The following IRX2 variants were observed in gnomAD, a reference collection of about 807,000 sequenced individuals.
The protein encoded by IRX2 is iroquois homeobox 2.
A neutral mutation model predicts 42.9 loss-of-function variants in IRX2; 26 were observed. That is an observed-to-expected ratio of 0.61 (90% confidence interval 0.44 to 0.84). IRX2 has a LOEUF of 0.84. IRX2 is among the 40% of genes least tolerant of loss of function. The probability of loss-of-function intolerance (pLI) is 0.00; values close to 1 mark genes in which losing one functional copy is unlikely to be tolerated. For missense variants in IRX2, 782 were observed against 713.9 expected, an observed-to-expected ratio of 1.10 and a Z score of -1.09; for synonymous variants, 424 against 353.9, an observed-to-expected ratio of 1.20 and a Z score of -2.22.
Position 2,747,610 on chromosome 5 carries a change from C to A in IRX2, c.1370G>T (p.Ser457Ile), listed in dbSNP as rs776676760. 1.9e-6 allele frequency: 3 copies of A among 1,614,012 alleles called. No individual in the cohort carries two copies. Among genetic ancestry groups the A allele is most frequent in the East Asian group, 2.2e-5 (1 of 44,884 alleles). The part of the protein sequence containing the change: ...GGGYEPKKDA[S>I]EGCTVVGGGV... ...CCCGCCAACCACGGTGCAGCCCTCG[C>A]TGGCATCTGTCAGGGGAGTGGGCAG... Residue 457 changes from serine (S) to isoleucine (I), a missense_variant, in exon 4 of 4, where the codon AGC becomes ATC. Ser to Ile is a moderately radical substitution (Grantham distance 142, BLOSUM62 -2). Around this residue, in one of 3 missense-constraint regions of IRX2, gnomAD observed 520 missense variants for 437.8 expected, o/e 1.19. Coordinates refer to ENST00000302057, the MANE Select transcript of IRX2 (RefSeq NM_033267.5).
chr5:2,749,121 C>A, intron 2 of IRX2, 69 bp from the exon 3 acceptor site: 5 of 1,549,660 alleles, frequency 3.2e-6, no homozygotes, highest in Non-Finnish European at 4.3e-6. Flanking sequence ...CCTCCGCCCC[C>A]TGTCCTGCGG....
chr5:2,751,226 C>T lies in IRX2; in HGVS notation c.188G>A (p.Gly63Glu). Residue 63 changes from glycine to glutamate, a missense_variant, in exon 1 of 4, where the codon GGG (glycine) becomes GAG (glutamate). Physicochemically the swap from Gly to Glu is moderately conservative, Grantham distance 98 (BLOSUM62 -2). Coordinates refer to ENST00000302057, the MANE Select transcript of IRX2 (RefSeq NM_033267.5). The surrounding 1 kb of genome is among the most constrained non-coding windows in gnomAD (Gnocchi z 4.0). ...AFTAQAATGFGSPLQYSADAA... is the reference protein window; with the variant it reads ...AFTAQAATGFESPLQYSADAA... ...GTCGGCCGAGTACTGCAGCGGGCTC[C>T]CGAAGCCGGTGGCCGCCTGCGCCGT... 7.3e-7 allele frequency: 1 copy of T among 1,367,900 alleles called. No individual in the cohort carries two copies. Among genetic ancestry groups the T allele is most frequent in the Non-Finnish European group, 9.4e-7 (1 of 1,060,758 alleles). 84.7% of individuals were successfully genotyped at this position (1,367,900 alleles called of 1,614,324 possible).
the IRX2 span, among the ~76,000 whole-genome samples, chr5:2,740,338 C>G: frequency 6.6e-6 from 1 of 151,964 alleles, no homozygotes. Context: ...GGGCTGAGGT[C>G]AGGAGCCGGC....
rs371061264 is a variant in IRX2, at chr5:2,749,070, C to G, written c.656-18G>C. 1 of 1,592,944 alleles carries G rather than the reference C, an allele frequency of 6.3e-7. No homozygotes were observed. The highest frequency in any genetic ancestry group is 8.5e-7 in the Non-Finnish European group (1 of 1,177,666). On this transcript the variant is annotated intron_variant, in intron 2 of 3. Coordinates refer to ENST00000302057, the MANE Select transcript of IRX2 (RefSeq NM_033267.5). ...GCTGATCCCTGTGGGGGCGCGGGCA[C>G]GGTGGGTGGCACGAGGGGACAGCGC...
At position 2,751,250 on chromosome 5, in the gene IRX2, G is replaced by A. The variant is rs2111454893; in HGVS notation, c.164C>T (p.Thr55Met). 3.6e-6 allele frequency: 5 copies of A among 1,400,762 alleles called. No individual in the cohort carries two copies. Among genetic ancestry groups the A allele is most frequent in the Non-Finnish European group, 4.6e-6 (5 of 1,076,642 alleles). The allele number at this position is 1,400,762 out of a possible 1,614,324, so 86.8% of individuals were successfully genotyped here. A position where few individuals can be genotyped will look rare whatever the true frequency, so the allele number is the denominator to read the frequency against. Residue 55 changes from threonine to methionine, a missense_variant, in exon 1 of 4, where the codon ACG becomes ATG. This residue lies in a region of IRX2 where 256 missense variants were observed against 250.0 expected (regional missense o/e 1.02). Transcript: ENST00000302057. This position sits in a 1 kb window ranked among gnomAD's most constrained non-coding sequence, Gnocchi z 4.0. ...CCCGAAGCCGGTGGCCGCCTGCGCC[G>A]TGAAGGCCGCCGAGCCCGGGTAGGG... Reference protein sequence around the residue: ...FSPYPGSAAFTAQAATGFGSP... With the variant: ...FSPYPGSAAFMAQAATGFGSP...
At chr5:2,740,653 T>A in the IRX2 span, among the ~76,000 whole-genome samples, 1 of 152,086 alleles carries the variant, frequency 6.6e-6, no homozygotes, top group Non-Finnish European at 1.5e-5. Context: ...TTGAGCCAGC[T>A]TCTGCCCCTC....
chr5:2,748,197 C>T (rs910273963), intron 3 of IRX2, 148 bp downstream of exon 3: 1 of 632,524 alleles, frequency 1.6e-6, no homozygotes, highest in Non-Finnish European at 2.4e-6. Context: ...TCCATCTCGC[C>T]CTCCGCCCTC....
chr5:2,747,553 G>T lies in IRX2; in HGVS notation c.*11C>A, dbSNP rs774606659. On this transcript the variant is annotated 3_prime_UTR_variant, in exon 4 of 4. Transcript: ENST00000302057. ...GGTGCCCACTTACTTGCATTGCTGT[G>T]CTCGGCCCTTCTATAGGTAGGGCTG... The T allele has an allele frequency of 3.1e-6, 5 of 1,613,466 alleles. No individual in the cohort carries two copies. The South Asian group carries it at 5.5e-5, about 18-fold the overall frequency.
At chr5:2,745,753 G>A (rs186930667), downstream of IRX2, 24 of 152,210 alleles carry the variant, frequency 1.6e-4, no homozygotes, top group African/African-American at 5.8e-4. Context: ...TTATTGGTGG[G>A]GGGGTGTGGC....
the IRX2 span, among the ~76,000 whole-genome samples, chr5:2,736,336 C>G: frequency 1.3e-5 from 2 of 152,150 alleles, no homozygotes; most frequent in Admixed American, 1.3e-4. Context: ...CCTTCTGATG[C>G]GATTTCTGAG....
chr5:2,744,720 G>C (rs1737619459), downstream of IRX2, among the ~76,000 whole-genome samples: 1 of 152,332 alleles, frequency 6.6e-6, no homozygotes, highest in African/African-American at 2.4e-5. Context: ...TACTAGGAGA[G>C]GCAGAGAAGA....
rs1454440711 is a variant in IRX2 at position 2,747,173 on chromosome 5, A to G, written c.*391T>C. 1.3e-5 allele frequency: 2 copies of G among 152,942 alleles called. No homozygotes were observed. Among genetic ancestry groups the G allele is most frequent in the East Asian group, 3.8e-4 (2 of 5,218 alleles). 9.5% of individuals were successfully genotyped at this position (152,942 alleles called of 1,614,324 possible). On this transcript the variant is annotated 3_prime_UTR_variant, in exon 4 of 4. Transcript: ENST00000302057. ...TAGTAAAAATGGCTCTAAATTGCATATAAATGCCCAGATTTTAATAATCTA... is the reference window on the plus strand; with the variant it reads ...TAGTAAAAATGGCTCTAAATTGCATGTAAATGCCCAGATTTTAATAATCTA...
the IRX2 span, among the ~76,000 whole-genome samples, chr5:2,739,567 G>A: frequency 2.6e-5 from 4 of 152,216 alleles, no homozygotes; most frequent in African/African-American, 4.8e-5. Context: ...AGGAAGGCTG[G>A]CTGTGGCAGG....
intron 3 of IRX2, 69 bp downstream of exon 3, chr5:2,748,276 C>T: frequency 1.5e-6 from 2 of 1,323,854 alleles, no homozygotes; most frequent in Non-Finnish European, 1.9e-6. Context: ...TCGGGTCTCC[C>T]GGGCGCTCCG....
At chr5:2,745,180 C>G (rs930980262), downstream of IRX2, among the ~76,000 whole-genome samples, 3 of 152,126 alleles carry the variant, frequency 2.0e-5, no homozygotes, top group Admixed American at 6.5e-5. Context: ...GCATCCCAGA[C>G]CTCCCCCGCT....
downstream of IRX2, among the ~76,000 whole-genome samples, chr5:2,744,384 C>G (rs1343349577): frequency 6.6e-6 from 1 of 152,128 alleles, no homozygotes; most frequent in Non-Finnish European, 1.5e-5. Context: ...TATAACATTA[C>G]ACATAGCAGA....
chr5:2,748,571 G>T lies in IRX2; in HGVS notation c.1137C>A (p.Gly379=), dbSNP rs139322683. The T allele has an allele frequency of 5.1e-5, 80 of 1,563,028 alleles. No homozygotes were observed. The highest frequency in any genetic ancestry group is 6.8e-5 in the Non-Finnish European group (79 of 1,157,328). The change falls in exon 3 of 4, where the codon GGC becomes GGA. Residue 379 remains glycine, a synonymous_variant. Transcript: ENST00000302057. ...AGGGCGACGTGTAGTAGAGGGGGCG[G>T]CCCAGCAGCGGCGAGGCAGGGTAGG... ...GSPYPASPLL[G]RPLYYTSPFY...
chr5:2,751,519 A>C lies in IRX2; in HGVS notation c.-106T>G, dbSNP rs1165110582. On this transcript the variant is annotated 5_prime_UTR_variant, in exon 1 of 4. Coordinates refer to ENST00000302057, the MANE Select transcript of IRX2 (RefSeq NM_033267.5). This position sits in a 1 kb window ranked among gnomAD's most constrained non-coding sequence, Gnocchi z 4.0. ...GCGCGGCGCGGCGGCGGGCACCCGGACGGCCGGCGGAGGCAGGCCGGCCCG... is the reference window on the plus strand; with the variant it reads ...GCGCGGCGCGGCGGCGGGCACCCGGCCGGCCGGCGGAGGCAGGCCGGCCCG... The C allele has an allele frequency of 3.3e-5, 27 of 809,382 alleles. No individual in the cohort carries two copies. Among genetic ancestry groups the C allele is most frequent in the Non-Finnish European group, 3.7e-5 (25 of 674,466 alleles). The allele number at this position is 809,382 out of a possible 1,614,324, so 50.1% of individuals were successfully genotyped here.
chr5:2,748,924 C>G lies in IRX2; in HGVS notation c.784G>C (p.Asp262His). ...SGSECKDKYD[D>H]LEDDEDDDEE... ...TCGTCGTCCTCGTCGTCCTCCAGGT[C>G]GTCATACTTGTCCTTGCACTCCGAG... The change falls in exon 3 of 4, where the codon GAC (aspartate) becomes CAC (histidine). Residue 262 changes from aspartate to histidine, a missense_variant. Around this residue, in one of 3 missense-constraint regions of IRX2, gnomAD observed 520 missense variants for 437.8 expected, o/e 1.19. Transcript: ENST00000302057. 1 of 1,596,778 alleles carries G rather than the reference C, an allele frequency of 6.3e-7. No individual in the cohort carries two copies. The highest frequency in any genetic ancestry group is 8.5e-7 in the Non-Finnish European group (1 of 1,179,394).
Sources: allele counts gnomAD v4.1 joint callset (sites outside exome capture counted in the v4.1 genomes callset), GRCh38; gene constraint gnomAD v4.1.1; regional missense constraint gnomAD v4.1.1; non-coding constraint Gnocchi (gnomAD v3.1); transcripts MANE v1.5; gene names NCBI Gene and HGNC (gene_info 2026-07-23, HGNC 2026-07-21).